Variants in PPP1R12B observed in about 807,000 individuals in gnomAD.
PPP1R12B encodes myosin phosphatase target subunit 2.
PPP1R12B carries 76 observed loss-of-function variants against 126.1 expected under a neutral mutation model. The observed-to-expected ratio is 0.60, with a 90% CI of 0.50 to 0.73. The LOEUF (loss-of-function observed/expected upper bound fraction) is 0.73, where lower values mean the gene tolerates loss of function less well. PPP1R12B is among the 30% of genes least tolerant of loss of function. The pLI, the probability that PPP1R12B is intolerant of heterozygous loss-of-function variation, is 0.00. For synonymous variants in PPP1R12B, 356 were observed against 434.7 expected (o/e 0.82, Z 2.25); for missense variants, 1,052 against 1,205.1 (o/e 0.87, Z 1.88).
At chr1:202,385,796 G>A (rs1663022234) in intron 1 of PPP1R12B, among the ~76,000 whole-genome samples, 1 of 152,064 alleles carries the variant, frequency 6.6e-6, no homozygotes, top group Non-Finnish European at 1.5e-5. Context: ...GTTTTTTTGT[G>A]TTTTTGTGTT....
In PPP1R12B at chr1:202,592,373, G is replaced by A. The variant is rs1216156768; in HGVS notation, c.*11813G>A. 1 of 152,682 alleles carries A rather than the reference G, an allele frequency of 6.5e-6. No homozygotes were observed. The highest frequency in any genetic ancestry group is 1.5e-5 in the Non-Finnish European group (1 of 68,056). 9.5% of individuals were successfully genotyped at this position (152,682 alleles called of 1,614,324 possible). ...ACTCCCGCCCACTGATGACTCCCAT[G>A]GGGGGTTTCCCGATGGGAGGAGGCA... On this transcript the variant is annotated 3_prime_UTR_variant, in exon 24 of 24. Coordinates refer to ENST00000608999, the MANE Select transcript of PPP1R12B (RefSeq NM_002481.4).
At chr1:202,575,257 C>T in intron 23 of PPP1R12B, 2 of 1,373,232 alleles carry the variant, frequency 1.5e-6, no homozygotes, top group Non-Finnish European at 1.9e-6. Flanking sequence ...ATGCAGGTTC[C>T]TGCAAAGCTT....
intron 18 of PPP1R12B, among the ~76,000 whole-genome samples, chr1:202,523,080 G>A (rs1394878384): frequency 2.6e-5 from 4 of 152,292 alleles, no homozygotes; most frequent in East Asian, 3.9e-4. Flanking sequence ...CACATAGGGC[G>A]TGTGTATTGT....
intron 21 of PPP1R12B, among the ~76,000 whole-genome samples, chr1:202,567,013 C>T (rs1218250102): frequency 6.6e-6 from 1 of 152,194 alleles, no homozygotes; most frequent in Non-Finnish European, 1.5e-5. Flanking sequence ...AAGGAAGGGC[C>T]ATTATCTGAG....
intron 3 of PPP1R12B, among the ~76,000 whole-genome samples, chr1:202,423,914 A>G (rs1669142621): frequency 6.6e-6 from 1 of 152,040 alleles, no homozygotes; most frequent in Non-Finnish European, 1.5e-5. Flanking sequence ...TAAACTCCTG[A>G]CCCCAAGTGA....
intron 1 of PPP1R12B, among the ~76,000 whole-genome samples, chr1:202,353,586 T>TTGTGTG (rs58683662): frequency 0.039 from 4,704 of 120,686 alleles, 149 homozygotes; most frequent in Middle Eastern, 0.062. Context: ...TTCTTCTTCT[T>TTGTGTG]TGTGTGTGTG....
intron 12 of PPP1R12B, chr1:202,445,377 C>T (rs756361525): frequency 9.5e-5 from 63 of 663,664 alleles, no homozygotes; most frequent in East Asian, 2.1e-4. Flanking sequence ...GATGCTTTTG[C>T]TTTGACTTGT....
At chr1:202,568,556 T>C (rs932657416) in intron 22 of PPP1R12B, among the ~76,000 whole-genome samples, 3 of 152,206 alleles carry the variant, frequency 2.0e-5, no homozygotes, top group Non-Finnish European at 4.4e-5. Flanking sequence ...ACTTCCTTGG[T>C]ATCCCATCTG....
intron 1 of PPP1R12B, among the ~76,000 whole-genome samples, chr1:202,371,130 C>T (rs1318416536): frequency 6.6e-6 from 1 of 151,144 alleles, no homozygotes; most frequent in Non-Finnish European, 1.5e-5. Context: ...TTTCTGCCAC[C>T]TCAGCCTTCC....
chr1:202,537,076 T>C (rs1226419534), intron 18 of PPP1R12B, among the ~76,000 whole-genome samples: 1 of 152,150 alleles, frequency 6.6e-6, no homozygotes, highest in African/African-American at 2.4e-5. Flanking sequence ...AGGCCGGGCA[T>C]AGTGGCTCAC....
In PPP1R12B at chr1:202,440,717, C is replaced by CA. The variant is rs1285327629; in HGVS notation, c.1474dup (p.Ser492LysfsTer4). 7 of 1,612,560 alleles carry CA rather than the reference C, an allele frequency of 4.3e-6. No individual in the cohort carries two copies. The highest frequency in any genetic ancestry group is 5.9e-6 in the Non-Finnish European group (7 of 1,178,882). On this transcript the variant is annotated frameshift_variant, in exon 11 of 24. Transcript: ENST00000608999. LOFTEE classifies it high-confidence loss of function. Reference sequence around the variant, plus strand: ...TTTTTATTTTACAGGAGAGAGAAAACAAAAGCTATATTAGTTCACTAGCAC... The same window carrying CA: ...TTTTTATTTTACAGGAGAGAGAAAACAAAAAGCTATATTAGTTCACTAGCAC...
chr1:202,433,302 G>C (rs1670407433), intron 8 of PPP1R12B, among the ~76,000 whole-genome samples: 1 of 152,116 alleles, frequency 6.6e-6, no homozygotes, highest in African/African-American at 2.4e-5. Context: ...AAATTGGAGG[G>C]ATCTGCCTGA....
chr1:202,550,491 G>A (rs552900041), intron 18 of PPP1R12B, among the ~76,000 whole-genome samples: 9 of 152,242 alleles, frequency 5.9e-5, no homozygotes, highest in Non-Finnish European at 1.0e-4. Flanking sequence ...TAAAATTTAC[G>A]ATATACTCTA....
intron 13 of PPP1R12B, among the ~76,000 whole-genome samples, chr1:202,483,742 G>C (rs560957767): frequency 1.3e-5 from 2 of 152,314 alleles, no homozygotes; most frequent in South Asian, 4.1e-4. Flanking sequence ...TAGTATTGCA[G>C]TCTATCTCTC....
intron 18 of PPP1R12B, among the ~76,000 whole-genome samples, chr1:202,511,690 A>G (rs1355806113): frequency 1.3e-5 from 2 of 151,910 alleles, no homozygotes; most frequent in Non-Finnish European, 1.5e-5. Flanking sequence ...ATGGGCTCCA[A>G]CTCCATCCAA....
intron 19 of PPP1R12B, among the ~76,000 whole-genome samples, chr1:202,561,384 T>TA (rs1374629620): frequency 6.8e-6 from 1 of 147,204 alleles, no homozygotes. Flanking sequence ...AAGACTGCAG[T>TA]CTTTTTTTTT....
intron 23 of PPP1R12B, among the ~76,000 whole-genome samples, chr1:202,579,396 T>C (rs1355366748): frequency 6.6e-6 from 1 of 152,198 alleles, no homozygotes; most frequent in Non-Finnish European, 1.5e-5. Flanking sequence ...AAAGGACACC[T>C]GTATTGAACA....
intron 14 of PPP1R12B, among the ~76,000 whole-genome samples, chr1:202,488,989 G>A (rs1678510723): frequency 6.6e-6 from 1 of 152,182 alleles, no homozygotes; most frequent in African/African-American, 2.4e-5. Context: ...GTTCCAGTGA[G>A]CCAAGATTGC....
chr1:202,369,593 A>T (rs1288755261), intron 1 of PPP1R12B: 7 of 187,410 alleles, frequency 3.7e-5, no homozygotes, highest in Non-Finnish European at 6.9e-5. Context: ...CTTAGTGCTG[A>T]CAATGGTCAT....
Sources: allele counts gnomAD v4.1 joint callset (sites outside exome capture counted in the v4.1 genomes callset), GRCh38; gene constraint gnomAD v4.1.1; transcripts MANE v1.5; gene names NCBI Gene and HGNC (gene_info 2026-07-23, HGNC 2026-07-21).